Variants in KATNAL2 observed in about 807,000 individuals in gnomAD.
The protein encoded by KATNAL2 is katanin catalytic subunit A1 like 2.
KATNAL2 carries 52 observed loss-of-function variants against 76.3 expected under a neutral mutation model. The observed-to-expected ratio is 0.68, with a 90% CI of 0.55 to 0.86. The LOEUF (loss-of-function observed/expected upper bound fraction) is 0.86. Ranked by LOEUF, KATNAL2 falls within the 40% of genes least tolerant of loss-of-function variation. KATNAL2 has a pLI of 0.00. For synonymous variants in KATNAL2, 243 were observed against 244.2 expected, an observed-to-expected ratio of 1.00 and a Z score of 0.05; for missense variants, 660 against 668.9, an observed-to-expected ratio of 0.99 and a Z score of 0.15.
chr18:46,923,282 C>T (rs1261231056), intron 1 of KATNAL2, among the ~76,000 whole-genome samples: 2 of 137,904 alleles, frequency 1.5e-5, no homozygotes, highest in Non-Finnish European at 3.0e-5. Context: ...CATGTGTTCT[C>T]ATTGTTCAAT....
At position 47,099,259 on chromosome 18, in the gene KATNAL2, A is replaced by AG; in HGVS notation, c.1228_1229insG (p.Met410SerfsTer52). On this transcript the variant is annotated frameshift_variant, in exon 16 of 18. Coordinates refer to ENST00000683218, the MANE Select transcript of KATNAL2 (RefSeq NM_001387690.1). LOFTEE classifies it high-confidence loss of function. ...TGATTTCAGGGAGCTGGACTGTGCC[A>AG]TGTTACGCCGCCTGGAGAAGAGGAT... The AG allele has an allele frequency of 3.1e-6, 5 of 1,613,600 alleles. No individual in the cohort carries two copies. The highest frequency in any genetic ancestry group is 4.2e-6 in the Non-Finnish European group (5 of 1,179,708).
chr18:47,032,858 C>G (rs1345981984), intron 3 of KATNAL2: 1 of 1,505,700 alleles, frequency 6.6e-7, no homozygotes, highest in African/African-American at 1.4e-5. Context: ...ACAGGGCCAG[C>G]ACATGACACC....
At chr18:47,040,966 T>C (rs1361909564) in intron 3 of KATNAL2, among the ~76,000 whole-genome samples, 1 of 152,226 alleles carries the variant, frequency 6.6e-6, no homozygotes, top group African/African-American at 2.4e-5. Context: ...AATAAGAACA[T>C]GATCTGCCAA....
rs35678878 is a variant in KATNAL2 at position 47,098,221 on chromosome 18, C to CA, written c.1212-1009dup. 0.11 allele frequency: 33,504 copies of CA among 299,442 alleles called. 24 individuals carry two copies. The highest frequency in any genetic ancestry group is 0.16 in the South Asian group (5,944 of 37,224). 18.5% of individuals were successfully genotyped at this position (299,442 alleles called of 1,614,324 possible). A position where few individuals can be genotyped will look rare whatever the true frequency, so the allele number is the denominator to read the frequency against. ...CTGGCGACAGAGCAAGACTCCGTCT[C>CA]AAAAAAAAAAAAAGTGTACTAGTCC... On this transcript the variant is annotated intron_variant, in intron 15 of 17. Coordinates refer to ENST00000683218, the MANE Select transcript of KATNAL2 (RefSeq NM_001387690.1).
Position 47,067,119 on chromosome 18 carries a change from G to A in KATNAL2, c.825G>A (p.Arg275=). 1 of 1,518,392 alleles carries A rather than the reference G, an allele frequency of 6.6e-7. No homozygotes were observed. The highest frequency in any genetic ancestry group is 9.0e-7 in the Non-Finnish European group (1 of 1,108,586). The allele number at this position is 1,518,392 out of a possible 1,614,324, so 94.1% of individuals were successfully genotyped here. ...LVKEAVVYPI[R]YPQLFTGILS... is the part of the protein sequence containing the mutation. ...AAGAAGCTGTTGTGTATCCTATAAG[G>A]GTAAGGACGGGAAGCCTCTTGGGGG... Residue 275 remains arginine, a splice_region_variant and synonymous_variant, in exon 11 of 18, where the codon AGG becomes AGA. Coordinates refer to ENST00000683218, the MANE Select transcript of KATNAL2 (RefSeq NM_001387690.1).
At chr18:46,945,785 T>C (rs1360484753) in intron 1 of KATNAL2, among the ~76,000 whole-genome samples, 2 of 152,198 alleles carry the variant, frequency 1.3e-5, no homozygotes, top group African/African-American at 4.8e-5. Context: ...ACAGTTATGA[T>C]TATTAATTAG....
chr18:46,944,346 A>C (rs933482548), intron 1 of KATNAL2, among the ~76,000 whole-genome samples: 8 of 152,238 alleles, frequency 5.3e-5, no homozygotes, highest in African/African-American at 1.7e-4. Flanking sequence ...ACAACAATAA[A>C]AATTAATACA....
chr18:47,079,315 T>C (rs2062396125), intron 15 of KATNAL2, among the ~76,000 whole-genome samples: 1 of 152,254 alleles, frequency 6.6e-6, no homozygotes. Context: ...ATTGACTTAC[T>C]GAACTGGTAT....
chr18:47,089,209 TA>T (rs1306866390), intron 15 of KATNAL2, among the ~76,000 whole-genome samples: 3 of 152,282 alleles, frequency 2.0e-5, no homozygotes, highest in African/African-American at 7.2e-5. Context: ...GCTTCCTCTT[TA>T]TTTTTGGCCC....
At chr18:47,096,688 T>G (rs1228253182) in intron 15 of KATNAL2, among the ~76,000 whole-genome samples, 3 of 152,102 alleles carry the variant, frequency 2.0e-5, no homozygotes, top group Non-Finnish European at 4.4e-5. Context: ...TCCTAGAAAA[T>G]CAAATAAACA....
intron 3 of KATNAL2, chr18:47,034,541 C>T (rs535261778): frequency 2.5e-6 from 4 of 1,614,244 alleles, no homozygotes; most frequent in Admixed American, 3.3e-5. Context: ...GAGTGCCAAT[C>T]TCCCTGGGCA....
intron 4 of KATNAL2, among the ~76,000 whole-genome samples, chr18:47,051,729 T>C (rs2061346387): frequency 6.6e-6 from 1 of 152,174 alleles, no homozygotes; most frequent in Non-Finnish European, 1.5e-5. Context: ...GAGAGATACA[T>C]ACATTTCAAG....
chr18:46,936,472 G>T (rs886358390), intron 1 of KATNAL2, among the ~76,000 whole-genome samples: 1 of 152,078 alleles, frequency 6.6e-6, no homozygotes, highest in African/African-American at 2.4e-5. Flanking sequence ...GGGCATGGTG[G>T]TATGCACCTG....
At chr18:47,067,738 A>T (rs747964369) in intron 11 of KATNAL2, among the ~76,000 whole-genome samples, 10 of 152,262 alleles carry the variant, frequency 6.6e-5, no homozygotes, top group Non-Finnish European at 1.5e-4. Context: ...CTTTTGTTGT[A>T]TAACAGACCA....
rs778714672 is a variant in KATNAL2, at chr18:47,034,818, G to T, written c.52-11639G>T. On this transcript the variant is annotated intron_variant, in intron 3 of 17. Transcript: ENST00000683218. ...GGCACTTTCTCTCAGCTCTGGGCTC[G>T]CGACTGTGAGACCTCGGGTGAGGTC... 4 of 1,612,100 alleles carry T rather than the reference G, an allele frequency of 2.5e-6. No homozygotes were observed. The Admixed American group carries it at 6.7e-5, about 27-fold the overall frequency.
chr18:46,934,849 T>C (rs2146582221), intron 1 of KATNAL2, among the ~76,000 whole-genome samples: 1 of 152,308 alleles, frequency 6.6e-6, no homozygotes, highest in East Asian at 1.9e-4. Flanking sequence ...AGGGATCCAG[T>C]TTCAGCTTTC....
intron 3 of KATNAL2, among the ~76,000 whole-genome samples, chr18:46,948,042 G>A (rs1427985911): frequency 1.3e-5 from 2 of 152,126 alleles, no homozygotes; most frequent in East Asian, 1.9e-4. Flanking sequence ...CTTTAAGCAC[G>A]AACTCTACGT....
At chr18:46,960,708 A>G (rs1220876524) in intron 3 of KATNAL2, among the ~76,000 whole-genome samples, 3 of 152,244 alleles carry the variant, frequency 2.0e-5, no homozygotes, top group African/African-American at 7.2e-5. Flanking sequence ...TAGAGCTCCA[A>G]GTAAGGCTAT....
intron 3 of KATNAL2, among the ~76,000 whole-genome samples, chr18:47,038,107 C>A (rs2060842654): frequency 6.6e-6 from 1 of 152,154 alleles, no homozygotes; most frequent in Non-Finnish European, 1.5e-5. Flanking sequence ...AGTGGAAATT[C>A]TTTTGATTGG....
Sources: gnomAD v4.1 joint callset for allele counts (sites outside exome capture counted in the v4.1 genomes callset) on GRCh38, gnomAD v4.1.1 for gene constraint, MANE v1.5 for transcripts, NCBI Gene and HGNC (gene_info 2026-07-23, HGNC 2026-07-21) for gene names.